SIAH1: variants seen among roughly 807,000 people sequenced by gnomAD.
The protein encoded by SIAH1 is siah E3 ubiquitin protein ligase 1, also known as E3 ubiquitin-protein ligase SIAH1.
In SIAH1, 2 loss-of-function variants were observed where a neutral mutation model predicts 20.0. The ratio of observed to expected loss-of-function variants is 0.10; its 90% CI spans 0.04 to 0.31. The LOEUF is 0.31. Ranked by LOEUF, SIAH1 falls within the 10% of genes least tolerant of loss-of-function variation. The probability of loss-of-function intolerance (pLI) is 1.00; values close to 1 mark genes in which losing one functional copy is unlikely to be tolerated. For synonymous variants in SIAH1, 118 were observed against 125.3 expected (o/e 0.94, Z 0.39); for missense variants, 119 against 355.3 (o/e 0.33, Z 5.35).
At chr16:48,367,704 T>A (rs1233757529) in intron 1 of SIAH1, among the ~76,000 whole-genome samples, 1 of 152,210 alleles carries the variant, frequency 6.6e-6, no homozygotes, top group East Asian at 1.9e-4. Flanking sequence ...GCAAAGGTGA[T>A]CAAACATGTC....
At chr16:48,383,802 A>G (rs2151056536) in intron 1 of SIAH1, among the ~76,000 whole-genome samples, 1 of 152,342 alleles carries the variant, frequency 6.6e-6, no homozygotes, top group Non-Finnish European at 1.5e-5. Flanking sequence ...CCAGCACTAA[A>G]GATCTGTGAC....
chr16:48,377,390 CTTT>C (rs774317002), intron 1 of SIAH1, among the ~76,000 whole-genome samples: 12 of 132,092 alleles, frequency 9.1e-5, no homozygotes, highest in African/African-American at 1.4e-4. Context: ...TTCTGGAAGA[CTTT>C]TTTTTTTTTT....
chr16:48,365,507 C>A (rs775344621), intron 1 of SIAH1: 39 of 1,606,052 alleles, frequency 2.4e-5, no homozygotes, highest in Non-Finnish European at 3.1e-5. Flanking sequence ...TGCGTTTCCC[C>A]CAAGAAGTAA....
At chr16:48,375,193 C>A (rs1294006512) in intron 1 of SIAH1, among the ~76,000 whole-genome samples, 2 of 152,178 alleles carry the variant, frequency 1.3e-5, no homozygotes, top group Non-Finnish European at 2.9e-5. Context: ...GTATGGATGC[C>A]TGTTTGTAAT....
intron 1 of SIAH1, chr16:48,364,780 G>A: frequency 6.6e-6 from 1 of 152,392 alleles, no homozygotes; most frequent in Non-Finnish European, 1.5e-5. Context: ...GGTTCCTTGG[G>A]CAAAAAACAG....
chr16:48,385,631 G>A (rs891881542), upstream of SIAH1, among the ~76,000 whole-genome samples: 3 of 152,040 alleles, frequency 2.0e-5, no homozygotes, highest in Non-Finnish European at 2.9e-5. Context: ...TGCTGCGCCC[G>A]TGCACCGCGC....
intron 1 of SIAH1, among the ~76,000 whole-genome samples, chr16:48,372,743 T>C (rs1961016492): frequency 6.6e-6 from 1 of 152,218 alleles, no homozygotes; most frequent in African/African-American, 2.4e-5. Flanking sequence ...AATTAAGGTA[T>C]GCTTAACTCA....
upstream of SIAH1, among the ~76,000 whole-genome samples, chr16:48,385,924 G>T (rs1385153409): frequency 1.3e-5 from 2 of 152,182 alleles, no homozygotes; most frequent in Admixed American, 6.5e-5. Context: ...CGCCGACCGG[G>T]ACCCCACCCC....
In SIAH1 at chr16:48,361,437, A is replaced by G. The variant is rs1363721829; in HGVS notation, c.*143T>C. Reference sequence around the variant, plus strand: ...GTTACTACATGCAACTGTTTCCTGTATTTAACAGCCTTTCTTTTTATTTAC... The same window carrying G: ...GTTACTACATGCAACTGTTTCCTGTGTTTAACAGCCTTTCTTTTTATTTAC... On this transcript the variant is annotated 3_prime_UTR_variant, in exon 2 of 2. Transcript: ENST00000394725. 5 of 744,048 alleles carry G rather than the reference A, an allele frequency of 6.7e-6. No homozygotes were observed. Among genetic ancestry groups the G allele is most frequent in the Non-Finnish European group, 1.1e-5 (5 of 453,216 alleles). 46.1% of individuals were successfully genotyped at this position (744,048 alleles called of 1,614,324 possible).
chr16:48,386,780 G>A (rs991037499), upstream of SIAH1, among the ~76,000 whole-genome samples: 1 of 152,170 alleles, frequency 6.6e-6, no homozygotes, highest in Non-Finnish European at 1.5e-5. Flanking sequence ...TGACCTGGTC[G>A]TGAAGGGCAG....
At chr16:48,371,230 G>C (rs1297585088) in intron 1 of SIAH1, among the ~76,000 whole-genome samples, 1 of 151,996 alleles carries the variant, frequency 6.6e-6, no homozygotes. Flanking sequence ...CACCATGATT[G>C]TGTCTGTGAA....
At chr16:48,380,733 G>A (rs1961255501) in intron 1 of SIAH1, among the ~76,000 whole-genome samples, 1 of 151,772 alleles carries the variant, frequency 6.6e-6, no homozygotes, top group Non-Finnish European at 1.5e-5. Flanking sequence ...AGACTGACCT[G>A]GCCAGCATGG....
In SIAH1 at chr16:48,361,785, C is replaced by A. The variant is rs1355245177; in HGVS notation, c.644G>T (p.Arg215Leu). ...GTAAGCAAAATTTTCAGCTTGCTTG[C>A]GTGTTCCTATCAGCTGTACGATTGC... ...FFAIVQLIGT[R>L]KQAENFAYRL... Residue 215 changes from arginine (R) to leucine (L), a missense_variant, in exon 2 of 2, where the codon CGC (arginine) becomes CTC (leucine). Physicochemically the swap from Arg to Leu is moderately radical, Grantham distance 102. Transcript: ENST00000394725. 1 of 1,614,138 alleles carries A rather than the reference C, an allele frequency of 6.2e-7. No individual in the cohort carries two copies. Among genetic ancestry groups the A allele is most frequent in the Non-Finnish European group, 8.5e-7 (1 of 1,180,024 alleles).
chr16:48,385,802 C>T (rs8056369), upstream of SIAH1, among the ~76,000 whole-genome samples: 2,554 of 152,144 alleles, frequency 0.017, 58 homozygotes, highest in African/African-American at 0.057. Flanking sequence ...CCAGGCTGGC[C>T]GCCGCCGCGG....
At chr16:48,380,658 C>T (rs1243308995) in intron 1 of SIAH1, among the ~76,000 whole-genome samples, 2 of 151,138 alleles carry the variant, frequency 1.3e-5, no homozygotes, top group African/African-American at 4.9e-5. Flanking sequence ...GCGCAGTGGC[C>T]CACGCCTGTA....
At chr16:48,369,331 A>G (rs1371760866) in intron 1 of SIAH1, among the ~76,000 whole-genome samples, 2 of 152,230 alleles carry the variant, frequency 1.3e-5, no homozygotes, top group East Asian at 3.8e-4. Flanking sequence ...GAAACCCAGG[A>G]AAGCTGCTGT....
intron 1 of SIAH1, chr16:48,365,987 G>T: frequency 9.1e-6 from 9 of 989,014 alleles, no homozygotes; most frequent in Non-Finnish European, 1.1e-5. Context: ...CCAGTTCAGG[G>T]CGCGCGGCGC....
intron 1 of SIAH1, chr16:48,363,582 G>A (rs1960698411): frequency 6.0e-6 from 1 of 167,048 alleles, no homozygotes; most frequent in African/African-American, 2.4e-5. Flanking sequence ...AAGGAGGACA[G>A]TCAGGAAGAG....
At chr16:48,365,611 G>A (rs1292002701) in intron 1 of SIAH1, 32 of 1,453,370 alleles carry the variant, frequency 2.2e-5, no homozygotes, top group African/African-American at 2.8e-5. Context: ...TTACTTCTCA[G>A]AAGCACCAGT....
Sources: allele counts gnomAD v4.1 joint callset (sites outside exome capture counted in the v4.1 genomes callset), GRCh38; gene constraint gnomAD v4.1.1; transcripts MANE v1.5; gene names NCBI Gene and HGNC (gene_info 2026-07-23, HGNC 2026-07-21).